LHFPL3: variants seen among roughly 807,000 people sequenced by gnomAD.
The protein encoded by LHFPL3 is LHFPL tetraspan subfamily member 3 protein.
LHFPL3 carries 5 observed loss-of-function variants against 19.3 expected under a neutral mutation model. The ratio of observed to expected loss-of-function variants is 0.26; its 90% CI spans 0.14 to 0.54. LHFPL3 has a LOEUF of 0.54. LHFPL3 is among the 20% of genes least tolerant of loss of function. The pLI is 0.94. For missense variants in LHFPL3, 249 were observed against 307.4 expected, an observed-to-expected ratio of 0.81 and a Z score of 1.42; for synonymous variants, 133 against 126.2, an observed-to-expected ratio of 1.05 and a Z score of -0.36.
intron 2 of LHFPL3, among the ~76,000 whole-genome samples, chr7:104,844,003 CT>C (rs1791265817): frequency 2.0e-5 from 3 of 152,204 alleles, no homozygotes; most frequent in Non-Finnish European, 4.4e-5. Context: ...CAACCAGGGA[CT>C]CAGAGCATGG....
intron 2 of LHFPL3, among the ~76,000 whole-genome samples, chr7:104,743,649 T>A (rs906935093): frequency 6.6e-6 from 1 of 152,208 alleles, no homozygotes. Flanking sequence ...TTCATTGATC[T>A]CTGCAATAAC....
chr7:104,494,822 G>T (rs1793427230), intron 1 of LHFPL3, among the ~76,000 whole-genome samples: 1 of 152,058 alleles, frequency 6.6e-6, no homozygotes, highest in Non-Finnish European at 1.5e-5. Flanking sequence ...GGCCAGAGTG[G>T]TGTTGCAGCA....
intron 1 of LHFPL3, among the ~76,000 whole-genome samples, chr7:104,461,637 A>G (rs956391540): frequency 2.6e-5 from 4 of 152,100 alleles, no homozygotes; most frequent in African/African-American, 9.7e-5. Flanking sequence ...GTAAGGTAAC[A>G]TGAGCTTCCA....
intron 1 of LHFPL3, among the ~76,000 whole-genome samples, chr7:104,640,145 GTGCAGAATA>G (rs1482211439): frequency 3.3e-5 from 5 of 152,254 alleles, no homozygotes; most frequent in South Asian, 2.1e-4. Flanking sequence ...TGGGATACAT[GTGCAGAATA>G]TGCAGGTTTG....
intron 2 of LHFPL3, among the ~76,000 whole-genome samples, chr7:104,824,946 T>C (rs543828125): frequency 1.4e-5 from 2 of 143,242 alleles, no homozygotes; most frequent in East Asian, 3.9e-4. Context: ...ATATAATGTG[T>C]TTAGGAGCTT....
At chr7:104,467,267 A>G (rs1311239181) in intron 1 of LHFPL3, among the ~76,000 whole-genome samples, 1 of 152,190 alleles carries the variant, frequency 6.6e-6, no homozygotes, top group Non-Finnish European at 1.5e-5. Context: ...GTCAAACAAG[A>G]GAAGACAGTA....
chr7:104,668,993 C>T lies in LHFPL3; in HGVS notation c.446-67682C>T, dbSNP rs570028129. ...GAAGAAACTCAGGAACGGGAACGGT[C>T]GAGGACAGGAAGTGAGTCATCACAG... On this transcript the variant is annotated intron_variant, in intron 1 of 2. Coordinates refer to ENST00000424859, the MANE Select transcript of LHFPL3 (RefSeq NM_199000.3). 7.7e-5 allele frequency: 124 copies of T among 1,612,114 alleles called. No individual in the cohort carries two copies. In the East Asian group the frequency reaches 2.8e-3, roughly 36 times the overall value.
chr7:104,496,108 A>T (rs1043185893), intron 1 of LHFPL3, among the ~76,000 whole-genome samples: 1 of 152,106 alleles, frequency 6.6e-6, no homozygotes, highest in Non-Finnish European at 1.5e-5. Context: ...TCCTAATGCT[A>T]TCCCTCCTCC....
intron 2 of LHFPL3, among the ~76,000 whole-genome samples, chr7:104,847,374 A>G (rs752124856): frequency 5.3e-5 from 8 of 152,258 alleles, no homozygotes; most frequent in Non-Finnish European, 1.2e-4. Flanking sequence ...AAACCCACAT[A>G]TGCCAGCTTT....
At chr7:104,589,426 A>G (rs1316064546) in intron 1 of LHFPL3, among the ~76,000 whole-genome samples, 9 of 152,072 alleles carry the variant, frequency 5.9e-5, no homozygotes, top group African/African-American at 2.2e-4. Flanking sequence ...ATTGATTTGC[A>G]TATATTGAAC....
intron 2 of LHFPL3, among the ~76,000 whole-genome samples, chr7:104,769,976 C>T (rs978227722): frequency 6.6e-6 from 1 of 152,046 alleles, no homozygotes; most frequent in Non-Finnish European, 1.5e-5. Flanking sequence ...CAAAATTTTG[C>T]ACCAAGACAA....
chr7:104,650,709 A>C (rs1277830418), intron 1 of LHFPL3, among the ~76,000 whole-genome samples: 3 of 152,226 alleles, frequency 2.0e-5, no homozygotes, highest in Non-Finnish European at 2.9e-5. Context: ...TTTGTCAAAA[A>C]AAACACAGTT....
chr7:104,634,355 G>A (rs1448167698), intron 1 of LHFPL3, among the ~76,000 whole-genome samples: 2 of 152,130 alleles, frequency 1.3e-5, no homozygotes, highest in Non-Finnish European at 2.9e-5. Flanking sequence ...CCTTCTCATT[G>A]TGTCCTCACA....
intron 2 of LHFPL3, among the ~76,000 whole-genome samples, chr7:104,885,988 C>T (rs1485594308): frequency 6.6e-6 from 1 of 152,186 alleles, no homozygotes; most frequent in Non-Finnish European, 1.5e-5. Context: ...TTTGTTTCCT[C>T]ATTCCTTCAG....
Position 104,872,251 on chromosome 7 carries a change from C to T in LHFPL3, c.683-33936C>T, listed in dbSNP as rs539359003. Among the ~76,000 whole-genome samples, 8 of 151,748 alleles carry T rather than the reference C, an allele frequency of 5.3e-5. No individual in the cohort carries two copies. In the South Asian group the frequency reaches 8.3e-4, roughly 16 times the overall value. On this transcript the variant is annotated intron_variant, in intron 2 of 2. Transcript: ENST00000424859. ...ACTTGGGAGGCTGAGGCAGGAGAAT[C>T]GCTTGAACCCGGGAGGCAGAGCTTG... is the stretch of plus-strand genomic sequence containing the variant.
chr7:104,389,503 A>C (rs1791018434), intron 1 of LHFPL3, among the ~76,000 whole-genome samples: 1 of 152,180 alleles, frequency 6.6e-6, no homozygotes, highest in Non-Finnish European at 1.5e-5. Context: ...CTTTGTGGAA[A>C]TCAACAAGTT....
intron 2 of LHFPL3, among the ~76,000 whole-genome samples, chr7:104,875,692 T>C (rs1489141944): frequency 6.6e-6 from 1 of 152,140 alleles, no homozygotes; most frequent in Non-Finnish European, 1.5e-5. Flanking sequence ...ATATGATAAA[T>C]AAATAAACAA....
At chr7:104,474,897 A>G (rs1792981831) in intron 1 of LHFPL3, among the ~76,000 whole-genome samples, 1 of 152,208 alleles carries the variant, frequency 6.6e-6, no homozygotes, top group Non-Finnish European at 1.5e-5. Flanking sequence ...CATGAAAAAA[A>G]TAAAAGCACA....
chr7:104,420,708 C>T (rs914782074), intron 1 of LHFPL3, among the ~76,000 whole-genome samples: 36 of 152,154 alleles, frequency 2.4e-4, no homozygotes, highest in African/African-American at 7.9e-4. Flanking sequence ...TACAGGCGCC[C>T]GCCACCATGC....
Sources: allele counts gnomAD v4.1 joint callset (sites outside exome capture counted in the v4.1 genomes callset), GRCh38; gene constraint gnomAD v4.1.1; transcripts MANE v1.5; gene names NCBI Gene and HGNC (gene_info 2026-07-23, HGNC 2026-07-21).